Variants in GPR179 observed in about 807,000 individuals in gnomAD.
GPR179 encodes G protein-coupled receptor 179, also known as probable G protein-coupled receptor 179.
A neutral mutation model predicts 70.8 loss-of-function variants in GPR179; 52 were observed. The ratio of observed to expected loss-of-function variants is 0.73; its 90% CI spans 0.59 to 0.93. The LOEUF is 0.93. Ranked by LOEUF, GPR179 falls within the 40% of genes least tolerant of loss-of-function variation. The pLI, the probability that GPR179 is intolerant of heterozygous loss-of-function variation, is 0.00. For missense variants in GPR179, 2,734 were observed against 2,966.8 expected (o/e 0.92, Z 1.82); for synonymous variants, 1,123 against 1,169.0 (o/e 0.96, Z 0.80).
chr17:38,338,830 C>A (rs1363627485), intron 2 of GPR179, among the ~76,000 whole-genome samples: 1 of 152,254 alleles, frequency 6.6e-6, no homozygotes, highest in Non-Finnish European at 1.5e-5. Flanking sequence ...CCAGCCAGTG[C>A]TCTCCATCAC....
At chr17:38,335,307 G>A in intron 6 of GPR179, 36 bp from the exon 7 acceptor site, 1 of 1,474,340 alleles carries the variant, frequency 6.8e-7, no homozygotes, top group Non-Finnish European at 9.2e-7. Flanking sequence ...GGATGGCAGG[G>A]ACCTGGGTGG....
At chr17:38,338,708 A>G (rs2037426448) in intron 2 of GPR179, among the ~76,000 whole-genome samples, 1 of 152,256 alleles carries the variant, frequency 6.6e-6, no homozygotes, top group Non-Finnish European at 1.5e-5. Context: ...AGCAGGCCAC[A>G]GGGCTCGCCC....
Position 38,335,580 on chromosome 17 carries a change from C to G in GPR179, c.1406+11G>C. On this transcript the variant is annotated intron_variant, in intron 6 of 10. Coordinates refer to ENST00000616987, the MANE Select transcript of GPR179 (RefSeq NM_001004334.4). ...GAGCAGCATGAGAGCAAAGTCTGCC[C>G]CAGGCCGTACCTGTAAAGCTTGAGT... 6.3e-7 allele frequency: 1 copy of G among 1,588,976 alleles called. No homozygotes were observed. Among genetic ancestry groups the G allele is most frequent in the Non-Finnish European group, 8.6e-7 (1 of 1,157,278 alleles).
chr17:38,328,039 C>G lies in GPR179; in HGVS notation c.5530G>C (p.Glu1844Gln). Residue 1844 changes from glutamate (E) to glutamine (Q), a missense_variant, in exon 11 of 11, where the codon GAG becomes CAG. By Grantham distance (29) the Glu-to-Gln change is conservative. Coordinates refer to ENST00000616987, the MANE Select transcript of GPR179 (RefSeq NM_001004334.4). ...AGTCTCCCCTTTTCTAGAGCTTTCT[C>G]CCTCTGCTCTGCTGATTCACTCCCT... ...KAGSESAEQR[E>Q]KALEKGRLTS... The G allele has an allele frequency of 6.2e-7, 1 of 1,614,152 alleles. No individual in the cohort carries two copies. The highest frequency in any genetic ancestry group is 8.5e-7 in the Non-Finnish European group (1 of 1,180,030).
Position 38,330,711 on chromosome 17 carries a change from A to C in GPR179, c.2858T>G (p.Met953Arg), listed in dbSNP as rs768484296. The C allele has an allele frequency of 1.3e-6, 2 of 1,594,992 alleles. No individual in the cohort carries two copies. The highest frequency in any genetic ancestry group is 1.7e-5 in the Admixed American group (1 of 58,534). Residue 953 changes from methionine to arginine, a missense_variant, in exon 11 of 11, where the codon ATG becomes AGG. Met to Arg is a moderately conservative substitution (Grantham distance 91). Transcript: ENST00000616987. ...AGCCAAGGTGGAGGTGGGAGATAGCATCCTTGGCTCTCCCAGGCCCCCAGA... is the reference window on the plus strand; with the variant it reads ...AGCCAAGGTGGAGGTGGGAGATAGCCTCCTTGGCTCTCCCAGGCCCCCAGA... The part of the protein sequence containing the change: ...ALSGGLGEPR[M>R]LSPTSTLAPA...
In GPR179 at chr17:38,329,951, A is replaced by C; in HGVS notation, c.3618T>G (p.Val1206=). The C allele has an allele frequency of 1.9e-6, 3 of 1,614,124 alleles. No individual in the cohort carries two copies. The highest frequency in any genetic ancestry group is 2.5e-6 in the Non-Finnish European group (3 of 1,180,010). The change falls in exon 11 of 11, where the codon GTT becomes GTG. Residue 1206 remains valine, a synonymous_variant. Transcript: ENST00000616987. Reference sequence around the variant, plus strand: ...ATTGCTTGATGTTTTTGTCCCTGGAAACTTGCCTCAGCATGGCAAGCCCTG... The same window carrying C: ...ATTGCTTGATGTTTTTGTCCCTGGACACTTGCCTCAGCATGGCAAGCCCTG... ...GKTGLAMLRQ[V]SRDKNIKQSK...
At chr17:38,335,368 C>T (rs2037395732) in intron 6 of GPR179, 97 bp from the exon 7 acceptor site, 2 of 934,676 alleles carry the variant, frequency 2.1e-6, no homozygotes, top group Admixed American at 2.3e-5. Context: ...CTGCCCTCTC[C>T]TCCACACAGG....
intron 1 of GPR179, among the ~76,000 whole-genome samples, chr17:38,340,543 A>G (rs1446869597): frequency 2.0e-5 from 3 of 152,192 alleles, no homozygotes; most frequent in African/African-American, 4.8e-5. Flanking sequence ...GGGCGTCCCA[A>G]AGTGCTGGGA....
chr17:38,329,809 G>A lies in GPR179; in HGVS notation c.3760C>T (p.Arg1254Cys), dbSNP rs747316135. 3.7e-6 allele frequency: 6 copies of A among 1,613,930 alleles called. No individual in the cohort carries two copies. The Admixed American group carries it at 5.0e-5, about 13-fold the overall frequency. The change falls in exon 11 of 11, where the codon CGT becomes TGT. Residue 1254 changes from arginine (R) to cysteine (C), a missense_variant. By Grantham distance (180) the Arg-to-Cys change is radical. Coordinates refer to ENST00000616987, the MANE Select transcript of GPR179 (RefSeq NM_001004334.4). ...CPWEVTESET[R>C]QPDSGNKAEI... ...GCCTTGTTGCCACTGTCTGGCTGACGCGTTTCTGATTCAGTGACCTCCCAG... is the reference window on the plus strand; with the variant it reads ...GCCTTGTTGCCACTGTCTGGCTGACACGTTTCTGATTCAGTGACCTCCCAG...
intron 9 of GPR179, 90 bp downstream of exon 9, chr17:38,333,843 C>A: frequency 1.0e-6 from 1 of 963,448 alleles, no homozygotes; most frequent in East Asian, 2.6e-5. Flanking sequence ...CTCACCCTGG[C>A]CTGCAGAGGG....
chr17:38,343,446 G>A lies in GPR179; in HGVS notation c.344C>T (p.Ala115Val), dbSNP rs1304016254. 6.2e-7 allele frequency: 1 copy of A among 1,614,122 alleles called. No individual in the cohort carries two copies. Among genetic ancestry groups the A allele is most frequent in the Admixed American group, 1.7e-5 (1 of 60,026 alleles). ...CACACTGGACTCACGGATGTCGTTGGCTTGCAGCAGCATGTTGAGAAAATT... is the reference window on the plus strand; with the variant it reads ...CACACTGGACTCACGGATGTCGTTGACTTGCAGCAGCATGTTGAGAAAATT... ...AANFLNMLLQANDIRESSVEE... is the reference protein window; with the variant it reads ...AANFLNMLLQVNDIRESSVEE... The change falls in exon 1 of 11, where the codon GCC becomes GTC. Residue 115 changes from alanine to valine, a missense_variant. Coordinates refer to ENST00000616987, the MANE Select transcript of GPR179 (RefSeq NM_001004334.4). The surrounding 1 kb of genome is among the most constrained non-coding windows in gnomAD (Gnocchi z 4.2).
intron 10 of GPR179, among the ~76,000 whole-genome samples, chr17:38,332,799 G>A (rs2037370726): frequency 6.6e-6 from 1 of 152,248 alleles, no homozygotes; most frequent in African/African-American, 2.4e-5. Context: ...TAGTAGAGAC[G>A]AGATTTCGCC....
chr17:38,333,437 G>A (rs759912102), intron 9 of GPR179, 40 bp from the exon 10 acceptor site: 2 of 1,594,238 alleles, frequency 1.3e-6, no homozygotes, highest in Non-Finnish European at 1.7e-6. Flanking sequence ...GACTCGCCCT[G>A]GCTCCTTGTC....
rs1037376375 is a variant in GPR179, at chr17:38,328,870, T to C, written c.4699A>G (p.Ser1567Gly). ...TGTGGACACACCTGCGTTGCTCTGCTTCCTCCATTGCATAGGAATTGGCTA... is the reference window on the plus strand; with the variant it reads ...TGTGGACACACCTGCGTTGCTCTGCCTCCTCCATTGCATAGGAATTGGCTA... ...AGSQFLCNGGSRATQVCPQED... is the reference protein window; with the variant it reads ...AGSQFLCNGGGRATQVCPQED... Residue 1567 changes from serine to glycine, a missense_variant, in exon 11 of 11, where the codon AGC becomes GGC. Physicochemically the swap from Ser to Gly is moderately conservative, Grantham distance 56 (BLOSUM62 0). Coordinates refer to ENST00000616987, the MANE Select transcript of GPR179 (RefSeq NM_001004334.4). 2 of 1,613,578 alleles carry C rather than the reference T, an allele frequency of 1.2e-6. No individual in the cohort carries two copies. The highest frequency in any genetic ancestry group is 3.3e-5 in the Admixed American group (2 of 59,912).
rs1369783617 is a variant in GPR179 at position 38,335,652 on chromosome 17, G to A, written c.1345C>T (p.Arg449Cys). 5.6e-6 allele frequency: 9 copies of A among 1,614,064 alleles called. No individual in the cohort carries two copies. The highest frequency in any genetic ancestry group is 1.6e-4 in the Middle Eastern group (1 of 6,082). ...KPSVFRCIAL[R>C]WVRLLGFAIV... is the part of the protein sequence containing the mutation. ...GCAAAACCCAGCAGCCGCACCCAGC[G>A]AAGAGCGATGCAGCGGAATACACTG... Residue 449 changes from arginine (R) to cysteine (C), a missense_variant, in exon 6 of 11, where the codon CGC becomes TGC. By Grantham distance (180) the Arg-to-Cys change is radical (BLOSUM62 -3). Coordinates refer to ENST00000616987, the MANE Select transcript of GPR179 (RefSeq NM_001004334.4).
At chr17:38,335,768 C>A in intron 5 of GPR179, 68 bp from the exon 6 acceptor site, 1 of 1,018,386 alleles carries the variant, frequency 9.8e-7, no homozygotes. Context: ...CTATGCTAAG[C>A]ACACTGTGGA....
Position 38,328,015 on chromosome 17 carries a change from GT to G in GPR179, c.5553del (p.Arg1851SerfsTer31). On this transcript the variant is annotated frameshift_variant, in exon 11 of 11. Transcript: ENST00000616987. LOFTEE classifies it low-confidence loss of function (END_TRUNC). ...GATACGTCTTCTCCCAGGGAAGTGA[GT>G]CTCCCCTTTTCTAGAGCTTTCTCCC... Reference protein sequence around the residue: ...EQREKALEKGRLTSLGEDVSK... With the variant: ...EQREKALEKGXLTSLGEDVSK... The G allele has an allele frequency of 1.9e-6, 3 of 1,614,004 alleles. No individual in the cohort carries two copies. The highest frequency in any genetic ancestry group is 2.5e-6 in the Non-Finnish European group (3 of 1,179,954).
In GPR179 at chr17:38,327,768, GC is replaced by G; in HGVS notation, c.5800del (p.Ala1934LeufsTer39). ...SFPEHITQEK[A>X]PAADTEEFTT... ...GAATTCTTCTGTGTCTGCAGCTGGA[GC>G]TTTTTCTTGGGTTATGTGTTCTGGG... is the stretch of plus-strand genomic sequence containing the variant. On this transcript the variant is annotated frameshift_variant, in exon 11 of 11. Coordinates refer to ENST00000616987, the MANE Select transcript of GPR179 (RefSeq NM_001004334.4). LOFTEE classifies it low-confidence loss of function (END_TRUNC). The G allele has an allele frequency of 6.2e-7, 1 of 1,614,148 alleles. No homozygotes were observed. Among genetic ancestry groups the G allele is most frequent in the South Asian group, 1.1e-5 (1 of 91,084 alleles).
rs911164058 is a variant in GPR179, at chr17:38,325,789, G to C, written c.*676C>G. 1 of 152,424 alleles carries C rather than the reference G, an allele frequency of 6.6e-6. No individual in the cohort carries two copies. Among genetic ancestry groups the C allele is most frequent in the African/African-American group, 2.4e-5 (1 of 41,442 alleles). The allele number at this position is 152,424 out of a possible 1,614,324, so 9.4% of individuals were successfully genotyped here. A position where few individuals can be genotyped will look rare whatever the true frequency, so the allele number is the denominator to read the frequency against. ...GCCAGATGCTGATAAGGGTGTCAGC[G>C]TGCCTGATTGTTTCTGCTTCAGCAG... On this transcript the variant is annotated 3_prime_UTR_variant, in exon 11 of 11. Transcript: ENST00000616987.
Sources: allele counts gnomAD v4.1 joint callset (sites outside exome capture counted in the v4.1 genomes callset), GRCh38; gene constraint gnomAD v4.1.1; non-coding constraint Gnocchi (gnomAD v3.1); transcripts MANE v1.5; gene names NCBI Gene and HGNC (gene_info 2026-07-23, HGNC 2026-07-21).